The following DMD variants were observed in gnomAD, a reference collection of about 807,000 sequenced individuals.
DMD encodes the protein dystrophin.
In DMD, 63 loss-of-function variants were observed where a neutral mutation model predicts 330.1. That is an observed-to-expected ratio of 0.19 (90% CI 0.16 to 0.24). The LOEUF (loss-of-function observed/expected upper bound fraction) is 0.24, where lower values mean the gene tolerates loss of function less well. DMD is among the 10% of genes least tolerant of loss of function. DMD has a pLI of 1.00. For synonymous variants in DMD, 1,223 were observed against 959.8 expected (o/e 1.27, Z -5.07); for missense variants, 3,344 against 2,684.1 (o/e 1.25, Z -5.43).
intron 17 of DMD, among the ~76,000 whole-genome samples, chrX:32,542,633 G>A (rs1183526834): frequency 2.7e-5 from 3 of 111,726 alleles, no homozygotes; most frequent in Non-Finnish European, 5.6e-5. Flanking sequence ...AATATTAGTG[G>A]GCTTCAGATG....
chrX:31,578,351 A>T (rs1402955838), intron 55 of DMD, among the ~76,000 whole-genome samples: 2 of 111,992 alleles, frequency 1.8e-5, no homozygotes, highest in East Asian at 5.6e-4. Flanking sequence ...ACTGGAACCC[A>T]GGGCTTTTAA....
At chrX:31,522,830 C>T (rs754867450) in intron 55 of DMD, among the ~76,000 whole-genome samples, 8 of 111,278 alleles carry the variant, frequency 7.2e-5, no homozygotes, top group African/African-American at 2.0e-4. Context: ...TCGGGGGGTA[C>T]GTGTCATCCA....
Position 32,266,205 on chromosome X carries a change from G to A in DMD, c.6290+21324C>T, listed in dbSNP as rs191504827. On this transcript the variant is annotated intron_variant, in intron 43 of 78. Transcript: ENST00000357033. ...CTCATGAGATCCAATGGTTTTATAA[G>A]GGGCTTTTCCCCCTTTGCTCAGCAC... 1.2e-3 allele frequency among the ~76,000 whole-genome samples: 128 copies of A among 111,287 alleles called. 1 individual carries two copies. The highest frequency in any genetic ancestry group is 4.0e-3 in the African/African-American group (121 of 30,611).
chrX:32,943,400 A>C (rs1328981073), intron 2 of DMD, among the ~76,000 whole-genome samples: 3 of 111,661 alleles, frequency 2.7e-5, no homozygotes, highest in African/African-American at 9.7e-5. Flanking sequence ...ATGCATATAT[A>C]AGCGGGATCA....
intron 1 of DMD, among the ~76,000 whole-genome samples, chrX:33,093,574 T>C (rs772985147): frequency 1.8e-5 from 2 of 111,848 alleles, no homozygotes; most frequent in Admixed American, 1.9e-4. Context: ...ACTAATTTGG[T>C]TGCACATTTT....
Position 32,294,419 on chromosome X carries a change from G to GT in DMD, c.6118-6719dup, listed in dbSNP as rs774055704. 4.8e-3 allele frequency among the ~76,000 whole-genome samples: 541 copies of GT among 111,730 alleles called. 1 individual carries two copies. Among genetic ancestry groups the GT allele is most frequent in the Middle Eastern group, 0.014 (3 of 217 alleles). ...CAGTTATGGCTTTGATATGGTATGC[G>GT]TGTGTTTGTGCGTATGTGTGTGTAT... On this transcript the variant is annotated intron_variant, in intron 42 of 78. Transcript: ENST00000357033.
intron 9 of DMD, among the ~76,000 whole-genome samples, chrX:32,667,608 G>C (rs1377473884): frequency 9.0e-6 from 1 of 111,345 alleles, no homozygotes; most frequent in Non-Finnish European, 1.9e-5. Context: ...AAATATTGTA[G>C]TTTACTGTTA....
At chrX:32,105,994 T>C (rs769179361) in intron 44 of DMD, among the ~76,000 whole-genome samples, 2 of 111,795 alleles carry the variant, frequency 1.8e-5, no homozygotes, top group East Asian at 5.6e-4. Context: ...TTCCTGCAAA[T>C]TTCAGATGTG....
At chrX:32,716,080 A>G (rs1394316535) in intron 7 of DMD, among the ~76,000 whole-genome samples, 1 of 111,786 alleles carries the variant, frequency 8.9e-6, no homozygotes, top group Non-Finnish European at 1.9e-5. Flanking sequence ...TCGTCATATA[A>G]TATTGGCTAG....
At chrX:32,446,054 T>G (rs1427574224) in intron 27 of DMD, among the ~76,000 whole-genome samples, 2 of 110,405 alleles carry the variant, frequency 1.8e-5, no homozygotes, top group Non-Finnish European at 3.8e-5. Flanking sequence ...GGGAAACCAG[T>G]AACTGGAATA....
chrX:32,033,744 C>T (rs2095914946), intron 44 of DMD, among the ~76,000 whole-genome samples: 1 of 110,932 alleles, frequency 9.0e-6, no homozygotes, highest in African/African-American at 3.3e-5. Context: ...TAAATCGAAT[C>T]TAGATGTCCA....
chrX:31,827,302 A>G (rs1467376245), intron 49 of DMD, among the ~76,000 whole-genome samples: 1 of 112,097 alleles, frequency 8.9e-6, no homozygotes, highest in African/African-American at 3.2e-5. Context: ...CTTTAAAGCA[A>G]TAACCGTAAA....
At chrX:32,503,661 C>T (rs1480631319) in intron 18 of DMD, among the ~76,000 whole-genome samples, 6 of 110,811 alleles carry the variant, frequency 5.4e-5, no homozygotes, top group African/African-American at 9.9e-5. Flanking sequence ...GTTCAAGCAA[C>T]TCTCCTGCTT....
intron 1 of DMD, among the ~76,000 whole-genome samples, chrX:33,026,313 C>CAAAAAAAAAAAAAAAAAATAA (rs2093999369): frequency 3.0e-5 from 1 of 32,787 alleles, no homozygotes; most frequent in African/African-American, 1.2e-4. Context: ...GACTCCGTCT[C>CAAAAAAAAAAAAAAAAAATAA]AAAAAAAAAA....
intron 61 of DMD, among the ~76,000 whole-genome samples, chrX:31,335,390 T>C (rs750211882): frequency 5.6e-4 from 63 of 112,565 alleles, no homozygotes; most frequent in Non-Finnish European, 1.1e-3. Context: ...CTGCATCTAA[T>C]ATGCAAGATG....
At chrX:31,634,258 G>T (rs1160712947) in intron 54 of DMD, among the ~76,000 whole-genome samples, 1 of 111,664 alleles carries the variant, frequency 9.0e-6, no homozygotes, top group Non-Finnish European at 1.9e-5. Flanking sequence ...CTGGTTTGCC[G>T]TTCACCAACA....
chrX:31,990,426 T>G (rs1400470627), intron 44 of DMD, among the ~76,000 whole-genome samples: 1 of 111,904 alleles, frequency 8.9e-6, no homozygotes, highest in Non-Finnish European at 1.9e-5. Flanking sequence ...AGTACAATAT[T>G]CTCTTTGTCA....
chrX:31,475,581 G>C (rs2067682383), intron 59 of DMD, among the ~76,000 whole-genome samples: 1 of 111,340 alleles, frequency 9.0e-6, no homozygotes, highest in Admixed American at 9.6e-5. Flanking sequence ...CTCATTTTTG[G>C]AGAAGTCTGT....
At chrX:32,196,986 CAAAAAAA>C (rs71872245) in intron 44 of DMD, among the ~76,000 whole-genome samples, 21 of 49,627 alleles carry the variant, frequency 4.2e-4, no homozygotes, top group African/African-American at 1.8e-3. Flanking sequence ...GACTCCATCT[CAAAAAAA>C]AAAAAAAAAA....
Sources: gnomAD v4.1 joint callset for allele counts (sites outside exome capture counted in the v4.1 genomes callset) on GRCh38, gnomAD v4.1.1 for gene constraint, MANE v1.5 for transcripts, NCBI Gene and HGNC (gene_info 2026-07-23, HGNC 2026-07-21) for gene names.